Variants in CPB1 observed in about 807,000 individuals in gnomAD.
CPB1 encodes the protein carboxypeptidase B1.
Under a neutral mutation model 51.4 loss-of-function variants are expected in CPB1, and 53 were observed. The observed-to-expected ratio is 1.03, with a 90% CI of 0.83 to 1.30. CPB1 has a LOEUF of 1.30. Ranked by LOEUF, CPB1 falls within the 50% of genes most tolerant of loss-of-function variation. The pLI is 0.00. For missense variants in CPB1, 494 were observed against 516.2 expected, an observed-to-expected ratio of 0.96 and a Z score of 0.42; for synonymous variants, 189 against 186.9, an observed-to-expected ratio of 1.01 and a Z score of -0.09.
intron 3 of CPB1, among the ~76,000 whole-genome samples, chr3:148,836,163 T>A: frequency 6.6e-6 from 1 of 152,162 alleles, no homozygotes; most frequent in East Asian, 1.9e-4. Context: ...TATACGTTTT[T>A]TTTTTTAAGA....
intron 8 of CPB1, 122 bp from the exon 9 acceptor site, chr3:148,845,302 C>A: frequency 1.4e-6 from 1 of 707,560 alleles, no homozygotes; most frequent in Non-Finnish European, 2.4e-6. Flanking sequence ...ATAATAGGGA[C>A]AACTTTAAGG....
At chr3:148,840,844 C>T (rs1232504704) in intron 4 of CPB1, 30 bp from the exon 5 acceptor site, 8 of 1,613,144 alleles carry the variant, frequency 5.0e-6, no homozygotes, top group Non-Finnish European at 6.8e-6. Context: ...AAGAATGCCA[C>T]ATTGATCTAC....
chr3:148,829,667 T>G (rs1254127531), intron 2 of CPB1, among the ~76,000 whole-genome samples: 2 of 152,232 alleles, frequency 1.3e-5, no homozygotes, highest in Non-Finnish European at 1.5e-5. Context: ...TAACTTTGTC[T>G]CTCCAACAAG....
intron 6 of CPB1, among the ~76,000 whole-genome samples, chr3:148,844,057 C>T (rs1713161720): frequency 6.6e-6 from 1 of 152,146 alleles, no homozygotes; most frequent in Admixed American, 6.5e-5. Context: ...TTATTAGGAA[C>T]ATGCACAGCT....
intron 3 of CPB1, among the ~76,000 whole-genome samples, chr3:148,836,541 T>C (rs1712911256): frequency 6.6e-6 from 1 of 152,192 alleles, no homozygotes; most frequent in African/African-American, 2.4e-5. Context: ...TCTGATAGAA[T>C]TTCAATCTCT....
chr3:148,859,619 T>TG (rs1386509388), intron 10 of CPB1, among the ~76,000 whole-genome samples, 196 bp from the exon 11 acceptor site: 2 of 152,228 alleles, frequency 1.3e-5, no homozygotes, highest in African/African-American at 4.8e-5. Flanking sequence ...CAAAGTGAAG[T>TG]GGTGATACGT....
intron 9 of CPB1, among the ~76,000 whole-genome samples, chr3:148,849,987 G>C (rs1006902160): frequency 6.6e-6 from 1 of 152,146 alleles, no homozygotes; most frequent in Non-Finnish European, 1.5e-5. Context: ...ACATTCATCA[G>C]AAAGTCTTTA....
intron 2 of CPB1, among the ~76,000 whole-genome samples, chr3:148,831,017 T>A (rs957168778): frequency 2.0e-5 from 3 of 152,222 alleles, no homozygotes; most frequent in African/African-American, 7.2e-5. Context: ...CTTGGCCATG[T>A]GTCCTTCCTC....
chr3:148,836,230 G>A (rs1712898078), intron 3 of CPB1, among the ~76,000 whole-genome samples: 1 of 151,856 alleles, frequency 6.6e-6, no homozygotes, highest in Non-Finnish European at 1.5e-5. Flanking sequence ...GCTTAGCTAT[G>A]TGCTTTCTGC....
At chr3:148,832,419 G>C (rs1219866421) in intron 2 of CPB1, among the ~76,000 whole-genome samples, 1 of 151,946 alleles carries the variant, frequency 6.6e-6, no homozygotes, top group Non-Finnish European at 1.5e-5. Context: ...TGGAAAGCTA[G>C]CATCTTAATA....
intron 9 of CPB1, chr3:148,856,010 C>T (rs888010826): frequency 2.0e-5 from 3 of 152,070 alleles, no homozygotes; most frequent in Non-Finnish European, 2.9e-5. Flanking sequence ...GCAGTGGAAC[C>T]TAAGGGTTTA....
intron 9 of CPB1, chr3:148,854,051 C>T (rs1391098305): frequency 6.6e-6 from 1 of 152,178 alleles, no homozygotes; most frequent in Non-Finnish European, 1.5e-5. Context: ...TGTGTCGTTG[C>T]TTCTTGGTTC....
intron 9 of CPB1, among the ~76,000 whole-genome samples, chr3:148,846,600 A>G (rs1713245946): frequency 2.0e-5 from 3 of 151,392 alleles, no homozygotes; most frequent in Admixed American, 6.6e-5. Flanking sequence ...GTAATGCCGT[A>G]AATATTTTGA....
At position 148,844,594 on chromosome 3, in the gene CPB1, T is replaced by C. The variant is rs770424800; in HGVS notation, c.687+6T>C. 6 of 1,612,388 alleles carry C rather than the reference T, an allele frequency of 3.7e-6. No homozygotes were observed. In the African/African-American group the frequency reaches 8.0e-5, roughly 22 times the overall value. On this transcript the variant is annotated splice_donor_region_variant and intron_variant, in intron 7 of 10. Transcript: ENST00000282957. ...ACATCTACACCTGGACCAAGGTATA[T>C]GCACCAATACTGAGAGAGGCTGATG...
intron 2 of CPB1, among the ~76,000 whole-genome samples, 154 bp downstream of exon 2, chr3:148,828,231 T>C (rs542882197): frequency 4.9e-4 from 74 of 152,214 alleles, no homozygotes; most frequent in Non-Finnish European, 8.4e-4. Context: ...TAATGTCTTC[T>C]TTTTCTGCCT....
At chr3:148,833,442 G>T (rs1214714204) in intron 2 of CPB1, among the ~76,000 whole-genome samples, 1 of 152,094 alleles carries the variant, frequency 6.6e-6, no homozygotes, top group Non-Finnish European at 1.5e-5. Flanking sequence ...GTATTACCTT[G>T]TCAGTTTCTG....
At chr3:148,857,062 G>GTTTTTTT (rs35574359) in intron 9 of CPB1, 78 of 48,012 alleles carry the variant, frequency 1.6e-3, no homozygotes, top group Middle Eastern at 0.013. Flanking sequence ...ATTGCCAAGT[G>GTTTTTTT]TTTTTTTTTT....
intron 6 of CPB1, among the ~76,000 whole-genome samples, chr3:148,842,776 G>C (rs1713121863): frequency 6.6e-6 from 1 of 152,158 alleles, no homozygotes; most frequent in Non-Finnish European, 1.5e-5. Flanking sequence ...AAAACTTAGA[G>C]TGGATAAACC....
At chr3:148,828,282 G>A (rs76116314) in intron 2 of CPB1, among the ~76,000 whole-genome samples, 2,131 of 152,206 alleles carry the variant, frequency 0.014, 54 homozygotes, top group African/African-American at 0.048. Context: ...ATAAATCCAT[G>A]GTAACTTTTA....
Sources: allele counts gnomAD v4.1 joint callset (sites outside exome capture counted in the v4.1 genomes callset), GRCh38; gene constraint gnomAD v4.1.1; transcripts MANE v1.5; gene names NCBI Gene and HGNC (gene_info 2026-07-23, HGNC 2026-07-21).